The following CAMK4 variants were observed in gnomAD, a reference collection of about 807,000 sequenced individuals.
CAMK4 encodes calcium/calmodulin dependent protein kinase IV, also known as calcium/calmodulin-dependent protein kinase type IV.
A neutral mutation model predicts 44.9 loss-of-function variants in CAMK4; 22 were observed. The ratio of observed to expected loss-of-function variants is 0.49; its 90% confidence interval spans 0.35 to 0.70. The LOEUF is 0.70. Ranked by LOEUF, CAMK4 falls within the 30% of genes least tolerant of loss-of-function variation. CAMK4 has a pLI of 0.01. For synonymous variants in CAMK4, 218 were observed against 215.4 expected (o/e 1.01, Z -0.11); for missense variants, 498 against 586.8 (o/e 0.85, Z 1.56).
chr5:111,443,313 C>CTATATAT (rs1753907785), intron 5 of CAMK4, among the ~76,000 whole-genome samples: 5 of 116,622 alleles, frequency 4.3e-5, no homozygotes, highest in Non-Finnish European at 8.9e-5. Flanking sequence ...CACACACACA[C>CTATATAT]ACTATATATA....
rs146775118 is a variant in CAMK4, at chr5:111,454,613, T to A, written c.625+5410T>A. ...TTCAGTGTTGAAGGGATTCTCAACA[T>A]CTTGTGGATGAGAAAATAAGTAGGT... On this transcript the variant is annotated intron_variant, in intron 7 of 10. Coordinates refer to ENST00000282356, the MANE Select transcript of CAMK4 (RefSeq NM_001744.6). Among the ~76,000 whole-genome samples, 435 of 145,508 alleles carry A rather than the reference T, an allele frequency of 3.0e-3. 1 individual carries two copies. Among genetic ancestry groups the A allele is most frequent in the Non-Finnish European group, 5.0e-3 (336 of 67,042 alleles).
intron 1 of CAMK4, among the ~76,000 whole-genome samples, chr5:111,316,177 A>G (rs1244564029): frequency 6.6e-6 from 1 of 152,108 alleles, no homozygotes; most frequent in Non-Finnish European, 1.5e-5. Flanking sequence ...TAATACTCTA[A>G]TCCTTTTTCT....
intron 1 of CAMK4, among the ~76,000 whole-genome samples, chr5:111,336,160 G>A (rs1339454720): frequency 6.6e-6 from 1 of 151,154 alleles, no homozygotes; most frequent in Non-Finnish European, 1.5e-5. Flanking sequence ...TGAAGAATAT[G>A]TTATAAATGG....
At chr5:111,456,254 C>T (rs1754408971) in intron 7 of CAMK4, among the ~76,000 whole-genome samples, 1 of 151,934 alleles carries the variant, frequency 6.6e-6, no homozygotes, top group South Asian at 2.1e-4. Flanking sequence ...GTAATCCCAG[C>T]ACTTTGGGAG....
chr5:111,362,866 A>G (rs1750648002), intron 2 of CAMK4, among the ~76,000 whole-genome samples: 1 of 152,054 alleles, frequency 6.6e-6, no homozygotes, highest in South Asian at 2.1e-4. Flanking sequence ...CTTACCAAGG[A>G]TATCATAGTT....
chr5:111,438,163 G>C lies in CAMK4; in HGVS notation c.460-8523G>C, dbSNP rs116771343. On this transcript the variant is annotated intron_variant, in intron 5 of 10. Coordinates refer to ENST00000282356, the MANE Select transcript of CAMK4 (RefSeq NM_001744.6). ...TTTTCAGGTGGAAGAAATTGGAAGA[G>C]GGCAGGGAGGTCGAGAGTGCTGCTA... is the stretch of plus-strand genomic sequence containing the variant. Among the ~76,000 whole-genome samples the C allele has an allele frequency of 1.7e-4, 26 of 152,264 alleles. No homozygotes were observed. In the East Asian group the frequency reaches 3.3e-3, roughly 19 times the overall value.
rs563636001 is a variant in CAMK4 at position 111,368,298 on chromosome 5, C to T, written c.241-6552C>T. On this transcript the variant is annotated intron_variant, in intron 2 of 10. Coordinates refer to ENST00000282356, the MANE Select transcript of CAMK4 (RefSeq NM_001744.6). ...GCAATAATGACTGCTCAGATAGCTG[C>T]CCATTGACTTTTGTGGTTTGCTTGA... Among the ~76,000 whole-genome samples, 46 of 152,140 alleles carry T rather than the reference C, an allele frequency of 3.0e-4. 1 individual carries two copies. The South Asian group carries it at 9.1e-3, about 30-fold the overall frequency.
At chr5:111,350,070 A>C (rs1203298429) in intron 2 of CAMK4, among the ~76,000 whole-genome samples, 1 of 151,988 alleles carries the variant, frequency 6.6e-6, no homozygotes, top group African/African-American at 2.4e-5. Context: ...AGACAGACTG[A>C]GTTTAGGATT....
chr5:111,245,684 T>C (rs1405282914), intron 1 of CAMK4, among the ~76,000 whole-genome samples: 1 of 152,258 alleles, frequency 6.6e-6, no homozygotes, highest in Non-Finnish European at 1.5e-5. Flanking sequence ...CTGTTAACTG[T>C]GTGTAAATTT....
chr5:111,318,612 C>G (rs977361250), intron 1 of CAMK4, among the ~76,000 whole-genome samples: 1 of 152,126 alleles, frequency 6.6e-6, no homozygotes, highest in East Asian at 1.9e-4. Context: ...ACAACACTGT[C>G]CAGAAAAGCA....
intron 1 of CAMK4, among the ~76,000 whole-genome samples, chr5:111,287,341 C>T (rs1751279297): frequency 6.6e-6 from 1 of 151,934 alleles, no homozygotes; most frequent in African/African-American, 2.4e-5. Context: ...AATATGGGAT[C>T]AGGTGATTGT....
intron 5 of CAMK4, among the ~76,000 whole-genome samples, chr5:111,445,994 A>G (rs1431818442): frequency 1.3e-5 from 2 of 152,248 alleles, no homozygotes; most frequent in African/African-American, 4.8e-5. Context: ...CAGCATTTAC[A>G]ATGAGAATAT....
chr5:111,401,569 GA>G (rs1752228987), intron 5 of CAMK4, among the ~76,000 whole-genome samples: 1 of 151,892 alleles, frequency 6.6e-6, no homozygotes, highest in African/African-American at 2.4e-5. Flanking sequence ...AGAGAGGCAA[GA>G]AAAGATGAAA....
At chr5:111,365,515 A>G (rs1403547388) in intron 2 of CAMK4, among the ~76,000 whole-genome samples, 2 of 20,910 alleles carry the variant, frequency 9.6e-5, no homozygotes, top group Non-Finnish European at 1.4e-4. Context: ...TCAGTATAGG[A>G]ATGTGTAATA....
At position 111,321,241 on chromosome 5, in the gene CAMK4, G is replaced by T. The variant is rs369479059; in HGVS notation, c.162-22783G>T. Among the ~76,000 whole-genome samples the T allele has an allele frequency of 3.7e-4, 57 of 152,252 alleles. No homozygotes were observed. The East Asian group carries it at 7.4e-3, about 20-fold the overall frequency. ...GCTGTCAAAAACAGTTGCTGCTCAG[G>T]TCTCACCAATGCTGCTGGACACAAG... On this transcript the variant is annotated intron_variant, in intron 1 of 10. Coordinates refer to ENST00000282356, the MANE Select transcript of CAMK4 (RefSeq NM_001744.6).
chr5:111,363,789 G>A (rs1017078738), intron 2 of CAMK4, among the ~76,000 whole-genome samples: 1 of 152,096 alleles, frequency 6.6e-6, no homozygotes, highest in Non-Finnish European at 1.5e-5. Context: ...GACCAATAGG[G>A]TGAGGCCAAG....
intron 2 of CAMK4, among the ~76,000 whole-genome samples, chr5:111,355,745 A>G (rs972974969): frequency 4.5e-4 from 68 of 150,552 alleles, no homozygotes; most frequent in Admixed American, 8.0e-4. Context: ...GAGTGAGAAC[A>G]TGTGGTGTTT....
intron 7 of CAMK4, among the ~76,000 whole-genome samples, chr5:111,455,371 G>A (rs893584740): frequency 6.6e-6 from 1 of 151,972 alleles, no homozygotes; most frequent in African/African-American, 2.4e-5. Flanking sequence ...TCATTGCTTG[G>A]TAACCAATTA....
At chr5:111,320,199 G>C (rs1479421840) in intron 1 of CAMK4, among the ~76,000 whole-genome samples, 1 of 152,142 alleles carries the variant, frequency 6.6e-6, no homozygotes, top group Non-Finnish European at 1.5e-5. Flanking sequence ...AAGACCAGAA[G>C]AAAGAATGAG....
Sources: allele counts gnomAD v4.1 joint callset (sites outside exome capture counted in the v4.1 genomes callset), GRCh38; gene constraint gnomAD v4.1.1; transcripts MANE v1.5; gene names NCBI Gene and HGNC (gene_info 2026-07-23, HGNC 2026-07-21).